The following ANXA11 variants were observed in gnomAD, a reference collection of about 807,000 sequenced individuals.
The protein encoded by ANXA11 is 56 kDa autoantigen.
A neutral mutation model predicts 64.7 loss-of-function variants in ANXA11; 57 were observed. The ratio of observed to expected loss-of-function variants is 0.88; its 90% CI spans 0.71 to 1.10. The LOEUF (loss-of-function observed/expected upper bound fraction) is 1.10. Among genes scored for constraint, ANXA11 ranks in the 50% least tolerant of loss-of-function variants. The pLI is 0.00. For synonymous variants in ANXA11, 260 were observed against 265.2 expected (o/e 0.98, Z 0.19); for missense variants, 675 against 670.7 (o/e 1.01, Z -0.07).
In ANXA11 at chr10:80,169,248, G is replaced by C. The variant is rs775051106; in HGVS notation, c.282C>G (p.Pro94=). The C allele has an allele frequency of 1.9e-6, 3 of 1,611,784 alleles. No individual in the cohort carries two copies. Among genetic ancestry groups the C allele is most frequent in the South Asian group, 1.1e-5 (1 of 90,992 alleles). ...AGGGAGGAACAGGCTGCTGGGCAGAGGGGGGCTGCCCAAAGCCGCCAGGGG... is the reference window on the plus strand; with the variant it reads ...AGGGAGGAACAGGCTGCTGGGCAGACGGGGGCTGCCCAAAGCCGCCAGGGG... ...PVPPGGFGQP[P]SAQQPVPPYG... The change falls in exon 5 of 16, where the codon CCC becomes CCG. Residue 94 remains proline (P), a synonymous_variant. Coordinates refer to ENST00000422982, the MANE Select transcript of ANXA11 (RefSeq NM_145868.2).
At chr10:80,167,431 G>GTA (rs1163904779) in intron 5 of ANXA11, 118 bp from the exon 6 acceptor site, 1 of 827,870 alleles carries the variant, frequency 1.2e-6, no homozygotes, top group East Asian at 2.6e-5. Context: ...AGTATCTAAA[G>GTA]GAGTCCACAG....
chr10:80,182,088 T>C (rs1846375673), intron 1 of ANXA11, among the ~76,000 whole-genome samples: 1 of 152,074 alleles, frequency 6.6e-6, no homozygotes, highest in African/African-American at 2.4e-5. Flanking sequence ...AAAGCAACTA[T>C]GGTGACAGCA....
At chr10:80,178,211 C>T (rs1846236826) in intron 1 of ANXA11, among the ~76,000 whole-genome samples, 1 of 62,890 alleles carries the variant, frequency 1.6e-5, no homozygotes, top group African/African-American at 9.5e-5. Flanking sequence ...AGAAGATCTG[C>T]TCTCTCTCTC....
rs374305344 is a variant in ANXA11 at position 80,181,591 on chromosome 10, T to A, written c.-57-5436A>T. On this transcript the variant is annotated intron_variant, in intron 1 of 15. Transcript: ENST00000422982. Reference sequence around the variant, plus strand: ...TTATCCAAAATATACAAAGAACTCTTAAATCTCAACAAGAAAACCTTACGA... The same window carrying A: ...TTATCCAAAATATACAAAGAACTCTAAAATCTCAACAAGAAAACCTTACGA... 6 of 152,318 alleles carry A rather than the reference T, an allele frequency of 3.9e-5. No homozygotes were observed. The East Asian group carries it at 9.6e-4, about 24-fold the overall frequency. 9.4% of individuals were successfully genotyped at this position (152,318 alleles called of 1,614,324 possible).
chr10:80,181,681 G>A (rs888901684), intron 1 of ANXA11, among the ~76,000 whole-genome samples: 1 of 152,052 alleles, frequency 6.6e-6, no homozygotes, highest in Non-Finnish European at 1.5e-5. Flanking sequence ...TGGCAAATAA[G>A]CATATGAAAA....
intron 1 of ANXA11, among the ~76,000 whole-genome samples, chr10:80,180,685 C>G (rs891099276): frequency 4.0e-5 from 6 of 150,878 alleles, no homozygotes; most frequent in African/African-American, 1.5e-4. Context: ...CCTGTTTTTA[C>G]ACACACACAC....
chr10:80,172,076 C>G (rs545938433), intron 3 of ANXA11, among the ~76,000 whole-genome samples: 24 of 152,312 alleles, frequency 1.6e-4, no homozygotes, highest in African/African-American at 5.8e-4. Context: ...TAGGAGTCCC[C>G]TGGGGAGAGG....
chr10:80,194,350 C>A (rs190519825), intron 1 of ANXA11, among the ~76,000 whole-genome samples: 3 of 152,280 alleles, frequency 2.0e-5, no homozygotes, highest in Admixed American at 2.0e-4. Flanking sequence ...TCACAGCAAT[C>A]CCACCTGGGT....
chr10:80,177,834 C>T (rs995527997), intron 1 of ANXA11, among the ~76,000 whole-genome samples: 2 of 152,156 alleles, frequency 1.3e-5, no homozygotes, highest in Admixed American at 6.5e-5. Context: ...GCCCAATAGC[C>T]AGGGGTGACC....
chr10:80,186,120 G>A (rs1846526859), intron 1 of ANXA11, among the ~76,000 whole-genome samples: 1 of 152,172 alleles, frequency 6.6e-6, no homozygotes, highest in African/African-American at 2.4e-5. Flanking sequence ...AGACCTTTCT[G>A]CACCTCAGTT....
At chr10:80,168,083 T>C (rs1278798138) in intron 5 of ANXA11, among the ~76,000 whole-genome samples, 2 of 152,054 alleles carry the variant, frequency 1.3e-5, no homozygotes, top group Non-Finnish European at 2.9e-5. Flanking sequence ...ATTGAGCACA[T>C]ACCACTACCC....
At chr10:80,185,010 T>C (rs2132463437) in intron 1 of ANXA11, among the ~76,000 whole-genome samples, 1 of 152,340 alleles carries the variant, frequency 6.6e-6, no homozygotes, top group East Asian at 1.9e-4. Flanking sequence ...CCTGAGATTA[T>C]TTAAGTATCA....
intron 1 of ANXA11, among the ~76,000 whole-genome samples, chr10:80,200,691 C>T (rs1286884191): frequency 4.6e-5 from 7 of 152,200 alleles, no homozygotes; most frequent in African/African-American, 7.2e-5. Flanking sequence ...TCTCCTTTCA[C>T]GCCCATGAAA....
At chr10:80,168,100 T>G (rs1845818232) in intron 5 of ANXA11, among the ~76,000 whole-genome samples, 1 of 152,112 alleles carries the variant, frequency 6.6e-6, no homozygotes, top group South Asian at 2.1e-4. Flanking sequence ...ACCCCTGTGC[T>G]GGCTGGTTGG....
Position 80,167,276 on chromosome 10 carries a change from AAGCCGGG to A in ANXA11, c.592_598del (p.Pro198LeufsTer14), listed in dbSNP as rs1276439271. The A allele has an allele frequency of 1.9e-6, 3 of 1,614,048 alleles. No individual in the cohort carries two copies. Among genetic ancestry groups the A allele is most frequent in the Non-Finnish European group, 2.5e-6 (3 of 1,180,040 alleles). ...GACCTCGGCATCTCGCAGGGGGTCA[AAGCCGGG>A]AGCATCAGTGATGGTGCCTCGGCTT... On this transcript the variant is annotated frameshift_variant, in exon 6 of 16. Transcript: ENST00000422982. LOFTEE classifies it high-confidence loss of function.
intron 4 of ANXA11, among the ~76,000 whole-genome samples, chr10:80,169,578 C>G (rs145620604): frequency 6.6e-6 from 1 of 152,276 alleles, no homozygotes; most frequent in East Asian, 1.9e-4. Context: ...GATCCTCATC[C>G]CCTTCTGCAG....
intron 1 of ANXA11, among the ~76,000 whole-genome samples, chr10:80,202,460 G>A (rs772676473): frequency 6.6e-6 from 1 of 152,096 alleles, no homozygotes; most frequent in Non-Finnish European, 1.5e-5. Flanking sequence ...CAGTTTCAGT[G>A]GTTATTACAG....
intron 1 of ANXA11, among the ~76,000 whole-genome samples, chr10:80,184,574 CGA>C (rs568086980): frequency 6.6e-6 from 1 of 151,454 alleles, no homozygotes; most frequent in South Asian, 2.1e-4. Flanking sequence ...ATAACTAATA[CGA>C]GAGAGAGAGA....
intron 1 of ANXA11, among the ~76,000 whole-genome samples, chr10:80,186,198 A>G (rs1330622078): frequency 6.6e-6 from 1 of 152,132 alleles, no homozygotes; most frequent in Non-Finnish European, 1.5e-5. Context: ...ATCATGTAAC[A>G]TATCATGACA....
Sources: allele counts gnomAD v4.1 joint callset (sites outside exome capture counted in the v4.1 genomes callset), GRCh38; gene constraint gnomAD v4.1.1; transcripts MANE v1.5; gene names NCBI Gene and HGNC (gene_info 2026-07-23, HGNC 2026-07-21).